FOXN3: variants seen among roughly 807,000 people sequenced by gnomAD.
FOXN3 encodes forkhead box protein N3.
A neutral mutation model predicts 38.4 loss-of-function variants in FOXN3; 7 were observed. That is an observed-to-expected ratio of 0.18 (90% CI 0.10 to 0.34). The LOEUF (loss-of-function observed/expected upper bound fraction) is 0.34. Among genes scored for constraint, FOXN3 ranks in the 10% least tolerant of loss-of-function variants. FOXN3 has a pLI of 1.00. For missense variants in FOXN3, 456 were observed against 613.4 expected (o/e 0.74, Z 2.71); for synonymous variants, 230 against 242.2 (o/e 0.95, Z 0.47).
intron 1 of FOXN3, among the ~76,000 whole-genome samples, chr14:89,430,170 A>G (rs1020907896): frequency 6.6e-6 from 1 of 152,250 alleles, no homozygotes; most frequent in African/African-American, 2.4e-5. Flanking sequence ...ATTCATATGC[A>G]CATGTTGGAT....
chr14:89,204,386 C>G (rs189267844), intron 4 of FOXN3, among the ~76,000 whole-genome samples: 3 of 152,214 alleles, frequency 2.0e-5, no homozygotes, highest in African/African-American at 7.2e-5. Flanking sequence ...CACAGCAGGT[C>G]TCATGGGCAC....
At chr14:89,363,023 C>A (rs1053003493) in intron 2 of FOXN3, among the ~76,000 whole-genome samples, 1 of 152,094 alleles carries the variant, frequency 6.6e-6, no homozygotes, top group Non-Finnish European at 1.5e-5. Context: ...TAGAGGAACA[C>A]AAACAAGAAG....
At chr14:89,428,380 G>C (rs1317482213) in intron 1 of FOXN3, among the ~76,000 whole-genome samples, 1 of 152,164 alleles carries the variant, frequency 6.6e-6, no homozygotes, top group Non-Finnish European at 1.5e-5. Flanking sequence ...AGGTTGAGGT[G>C]CAGGCAAAAG....
intron 4 of FOXN3, among the ~76,000 whole-genome samples, chr14:89,187,549 C>T (rs1046972236): frequency 4.6e-5 from 7 of 152,214 alleles, no homozygotes; most frequent in South Asian, 2.1e-4. Context: ...AGGCCTTGGG[C>T]GATGCCGGCA....
intron 3 of FOXN3, chr14:89,291,364 C>G: frequency 1.7e-6 from 1 of 586,040 alleles, no homozygotes; most frequent in Non-Finnish European, 3.4e-6. Flanking sequence ...CCTGTAACAC[C>G]CTTTCTGCAT....
intron 5 of FOXN3, among the ~76,000 whole-genome samples, chr14:89,176,474 A>G (rs1190114493): frequency 1.3e-5 from 2 of 152,156 alleles, no homozygotes; most frequent in African/African-American, 4.8e-5. Context: ...AGTGGGTGCT[A>G]ATGACTCTCC....
chr14:89,445,373 G>T (rs1596276540), intron 1 of FOXN3, among the ~76,000 whole-genome samples: 1 of 152,188 alleles, frequency 6.6e-6, no homozygotes, highest in African/African-American at 2.4e-5. Flanking sequence ...CTGTCATTTT[G>T]TTTGCCTGGG....
At chr14:89,240,034 G>T (rs1048520210) in intron 4 of FOXN3, among the ~76,000 whole-genome samples, 6 of 152,190 alleles carry the variant, frequency 3.9e-5, no homozygotes, top group South Asian at 2.1e-4. Flanking sequence ...CACTCTGTGT[G>T]GAGCAGACAC....
At chr14:89,420,027 C>G (rs771067333), upstream of FOXN3, among the ~76,000 whole-genome samples, 1 of 152,102 alleles carries the variant, frequency 6.6e-6, no homozygotes, top group Non-Finnish European at 1.5e-5. Flanking sequence ...AGAGGAAATA[C>G]GGGGAGGCTG....
intron 2 of FOXN3, among the ~76,000 whole-genome samples, chr14:89,404,323 C>A (rs115383532): frequency 0.033 from 5,047 of 151,580 alleles, 289 homozygotes; most frequent in African/African-American, 0.11. Flanking sequence ...GCCTGACCAA[C>A]AAACACCCTG....
At chr14:89,279,134 C>T (rs1020631020) in intron 4 of FOXN3, among the ~76,000 whole-genome samples, 2 of 152,148 alleles carry the variant, frequency 1.3e-5, no homozygotes, top group Admixed American at 6.5e-5. Context: ...TGCCCACCCT[C>T]CCAAGCTCTC....
chr14:89,327,365 C>T (rs908608481), intron 3 of FOXN3, among the ~76,000 whole-genome samples: 1 of 152,124 alleles, frequency 6.6e-6, no homozygotes, highest in African/African-American at 2.4e-5. Flanking sequence ...TTTGGGGTTA[C>T]CAGCCCTGGA....
At chr14:89,394,696 TCACAGC>T (rs950457781) in intron 2 of FOXN3, among the ~76,000 whole-genome samples, 2 of 152,234 alleles carry the variant, frequency 1.3e-5, no homozygotes, top group Non-Finnish European at 2.9e-5. Flanking sequence ...CTGAGCGCCC[TCACAGC>T]CATGAACACA....
intron 1 of FOXN3, among the ~76,000 whole-genome samples, chr14:89,508,571 A>G (rs146130102): frequency 3.3e-5 from 5 of 152,212 alleles, no homozygotes; most frequent in Non-Finnish European, 2.9e-5. Context: ...TGTCAGCATC[A>G]TTCTCATCTC....
At chr14:89,180,647 A>G (rs746718970) in intron 5 of FOXN3, 54 bp downstream of exon 5, 10 of 1,334,444 alleles carry the variant, frequency 7.5e-6, no homozygotes, top group Non-Finnish European at 1.0e-5. Flanking sequence ...CGTGGACAGA[A>G]AGCTGCCCTT....
intron 2 of FOXN3, chr14:89,351,174 GA>G (rs139132699): frequency 1.7e-3 from 262 of 150,260 alleles, no homozygotes; most frequent in Non-Finnish European, 2.7e-3. Flanking sequence ...AAAGTTTGGG[GA>G]AAAAAAAAAG....
chr14:89,494,279 G>C (rs923146878), intron 1 of FOXN3: 1 of 152,190 alleles, frequency 6.6e-6, no homozygotes, highest in African/African-American at 2.4e-5. Flanking sequence ...GCCACGCTGT[G>C]TTAATTCCTT....
At position 89,180,915 on chromosome 14, in the gene FOXN3, G is replaced by GGCAGAGAACATGCACGGA. The variant is rs140257053; in HGVS notation, c.746-110_746-109insTCCGTGCATGTTCTCTGC. ...CAATAAGAGAGAGAGAGAGACAGAG[G>GGCAGAGAACATGCACGGA]GCAGAGACAGAGAGAAACACACACA... On this transcript the variant is annotated intron_variant, in intron 4 of 5. Transcript: ENST00000557258. The GGCAGAGAACATGCACGGA allele has an allele frequency of 2.0e-5, 14 of 695,044 alleles. 1 individual carries two copies. Among genetic ancestry groups the GGCAGAGAACATGCACGGA allele is most frequent in the African/African-American group, 1.6e-4 (9 of 55,426 alleles). The allele number at this position is 695,044 out of a possible 1,614,324, so 43.1% of individuals were successfully genotyped here.
chr14:89,307,414 T>G lies in FOXN3; in HGVS notation c.681-26400A>C, dbSNP rs558990831. 2.6e-5 allele frequency among the ~76,000 whole-genome samples: 4 copies of G among 152,180 alleles called. No homozygotes were observed. In the South Asian group the frequency reaches 8.3e-4, roughly 32 times the overall value. On this transcript the variant is annotated intron_variant, in intron 3 of 5. Coordinates refer to ENST00000557258, the MANE Select transcript of FOXN3 (RefSeq NM_005197.4). ...TAATTCTGGTTATTAAAAACAAACA[T>G]GGGTACTGTTTGTAGGTCTGAGAGG...
Sources: allele counts gnomAD v4.1 joint callset (sites outside exome capture counted in the v4.1 genomes callset), GRCh38; gene constraint gnomAD v4.1.1; transcripts MANE v1.5; gene names NCBI Gene and HGNC (gene_info 2026-07-23, HGNC 2026-07-21).